Variants in CABP5 observed in about 807,000 individuals in gnomAD.
CABP5 encodes calcium binding protein 5, also known as calcium-binding protein 5.
CABP5 carries 17 observed loss-of-function variants against 21.9 expected under a neutral mutation model. The ratio of observed to expected loss-of-function variants is 0.78; its 90% CI spans 0.53 to 1.17. The LOEUF (loss-of-function observed/expected upper bound fraction) is 1.17. CABP5 is among the 50% of genes most tolerant of loss of function. The probability of loss-of-function intolerance (pLI) is 0.00; values close to 1 mark genes in which losing one functional copy is unlikely to be tolerated. For missense variants in CABP5, 229 were observed against 228.9 expected, an observed-to-expected ratio of 1.00 and a Z score of 0.00; for synonymous variants, 85 against 79.4, an observed-to-expected ratio of 1.07 and a Z score of -0.37.
chr19:48,031,261 C>T (rs1004733075), intron 5 of CABP5, among the ~76,000 whole-genome samples: 13 of 152,018 alleles, frequency 8.6e-5, no homozygotes, highest in African/African-American at 2.4e-4. Flanking sequence ...TATTGTTGGC[C>T]GGGCGCGGTG....
intron 5 of CABP5, among the ~76,000 whole-genome samples, chr19:48,030,882 C>G (rs1214458732): frequency 6.6e-6 from 1 of 150,864 alleles, no homozygotes; most frequent in Non-Finnish European, 1.5e-5. Context: ...AATCCCAGAA[C>G]TTTGGGAGGC....
chr19:48,036,709 A>G (rs1338317308), intron 4 of CABP5, among the ~76,000 whole-genome samples: 2 of 151,808 alleles, frequency 1.3e-5, no homozygotes, highest in African/African-American at 4.9e-5. Context: ...GTGAACAGCC[A>G]TCTCTCTAAA....
At chr19:48,038,238 T>TG (rs955200384) in intron 4 of CABP5, among the ~76,000 whole-genome samples, 2 of 152,098 alleles carry the variant, frequency 1.3e-5, no homozygotes, top group Non-Finnish European at 2.9e-5. Context: ...TATAAGAAGC[T>TG]GGGGGAGGCA....
intron 4 of CABP5, among the ~76,000 whole-genome samples, chr19:48,038,840 C>G (rs539660065): frequency 2.6e-5 from 4 of 151,902 alleles, no homozygotes; most frequent in Admixed American, 6.6e-5. Context: ...AAAAAAAAGT[C>G]CTAACATTTA....
intron 4 of CABP5, among the ~76,000 whole-genome samples, chr19:48,035,341 T>C (rs1026508859): frequency 3.9e-5 from 6 of 152,266 alleles, no homozygotes; most frequent in African/African-American, 1.2e-4. Context: ...CTCATGCCTG[T>C]AATCCCAGCA....
rs1391080729 is a variant in CABP5, at chr19:48,040,659, A to AAT, written c.183_184insAT (p.Tyr62IlefsTer9). 1.2e-6 allele frequency: 2 copies of AAT among 1,613,860 alleles called. No individual in the cohort carries two copies. Among genetic ancestry groups the AAT allele is most frequent in the Non-Finnish European group, 1.7e-6 (2 of 1,179,954 alleles). ...ATCAGTTCCATCTCCGTGGGCATGT[A>AAT]ACCCATCGTCCTCATGAGATTCCCC... On this transcript the variant is annotated frameshift_variant, in exon 3 of 6. Coordinates refer to ENST00000293255, the MANE Select transcript of CABP5 (RefSeq NM_019855.5). LOFTEE classifies it high-confidence loss of function.
rs1277724805 is a variant in CABP5, at chr19:48,034,274, T to A, written c.437A>T (p.Glu146Val). 5.6e-6 allele frequency: 9 copies of A among 1,607,676 alleles called. No individual in the cohort carries two copies. The Middle Eastern group carries it at 8.3e-4, about 148-fold the overall frequency. Residue 146 changes from glutamate (E) to valine (V), a missense_variant, in exon 5 of 6, where the codon GAG (glutamate) becomes GTG (valine). By Grantham distance (121) the Glu-to-Val change is moderately radical. Coordinates refer to ENST00000293255, the MANE Select transcript of CABP5 (RefSeq NM_019855.5). Reference sequence around the variant, plus strand: ...AGCCTCCCGGACAACCTCAGAGATCTCCCGGGGGGTGAGCCGCTCCCCCAG... The same window carrying A: ...AGCCTCCCGGACAACCTCAGAGATCACCCGGGGGGTGAGCCGCTCCCCCAG... ...RLLGERLTPR[E>V]ISEVVREADV...
At chr19:48,041,020 C>A (rs549838452) in intron 2 of CABP5, among the ~76,000 whole-genome samples, 1 of 151,828 alleles carries the variant, frequency 6.6e-6, no homozygotes, top group East Asian at 1.9e-4. Flanking sequence ...CTACTAAATA[C>A]AAAAAAATTA....
intron 4 of CABP5, among the ~76,000 whole-genome samples, chr19:48,038,077 C>A (rs553301851): frequency 5.9e-5 from 9 of 152,136 alleles, no homozygotes; most frequent in Non-Finnish European, 1.0e-4. Flanking sequence ...CCATGTCTGG[C>A]TAAATTTTTT....
intron 5 of CABP5, 34 bp downstream of exon 5, chr19:48,034,181 G>A: frequency 6.7e-7 from 1 of 1,487,956 alleles, no homozygotes; most frequent in Non-Finnish European, 9.0e-7. Context: ...TGCGGTGGCT[G>A]CCCCCGCTCC....
At chr19:48,043,027 C>T (rs561763129) in intron 1 of CABP5, among the ~76,000 whole-genome samples, 11 of 143,202 alleles carry the variant, frequency 7.7e-5, no homozygotes, top group East Asian at 2.1e-4. Context: ...TTTTTTTTAA[C>T]GAGACAAAGT....
intron 5 of CABP5, among the ~76,000 whole-genome samples, chr19:48,032,146 GA>G (rs2122360242): frequency 6.6e-6 from 1 of 152,144 alleles, no homozygotes; most frequent in Non-Finnish European, 1.5e-5. Flanking sequence ...AGGGATGGAT[GA>G]GACTGAAAGA....
At chr19:48,030,953 C>A (rs913487115) in intron 5 of CABP5, among the ~76,000 whole-genome samples, 1 of 151,822 alleles carries the variant, frequency 6.6e-6, no homozygotes, top group African/African-American at 2.4e-5. Context: ...CATAGCGACA[C>A]CCCCAACTCT....
At chr19:48,035,695 GC>G (rs1297246520) in intron 4 of CABP5, among the ~76,000 whole-genome samples, 18 of 152,276 alleles carry the variant, frequency 1.2e-4, no homozygotes, top group Admixed American at 5.9e-4. Flanking sequence ...GTTAACAAGT[GC>G]CGTAAGGCAG....
chr19:48,041,418 C>T lies in CABP5; in HGVS notation c.94+155G>A, dbSNP rs569750067. On this transcript the variant is annotated intron_variant, in intron 2 of 5. Coordinates refer to ENST00000293255, the MANE Select transcript of CABP5 (RefSeq NM_019855.5). ...ACTTTGGGAAGTCCTTCAACTGCCA[C>T]GAGAAAGAGTTCTACAAAATTACAG... 4.1e-4 allele frequency: 309 copies of T among 752,226 alleles called. 2 individuals carry two copies. The highest frequency in any genetic ancestry group is 1.1e-3 in the Admixed American group (41 of 35,888). 46.6% of individuals were successfully genotyped at this position (752,226 alleles called of 1,614,324 possible). A position where few individuals can be genotyped will look rare whatever the true frequency, so the allele number is the denominator to read the frequency against.
intron 5 of CABP5, 29 bp downstream of exon 5, chr19:48,034,186 C>A: frequency 6.6e-7 from 1 of 1,504,298 alleles, no homozygotes; most frequent in South Asian, 1.3e-5. Flanking sequence ...TGGCTGCCCC[C>A]GCTCCCCACC....
chr19:48,038,333 T>G (rs1967436876), intron 4 of CABP5, among the ~76,000 whole-genome samples: 1 of 152,218 alleles, frequency 6.6e-6, no homozygotes, highest in African/African-American at 2.4e-5. Context: ...AACACTCTAC[T>G]ACTCTTTATT....
chr19:48,032,872 C>T (rs961204661), intron 5 of CABP5, among the ~76,000 whole-genome samples: 4 of 152,110 alleles, frequency 2.6e-5, no homozygotes, highest in Non-Finnish European at 5.9e-5. Context: ...CTCAGGTGAT[C>T]CGCCAACCTT....
chr19:48,037,257 A>T (rs1967419981), intron 4 of CABP5, among the ~76,000 whole-genome samples: 1 of 34,742 alleles, frequency 2.9e-5, no homozygotes, highest in Non-Finnish European at 7.5e-5. Context: ...AATACTATTC[A>T]GCTTTTTTTT....
Sources: allele counts gnomAD v4.1 joint callset (sites outside exome capture counted in the v4.1 genomes callset), GRCh38; gene constraint gnomAD v4.1.1; transcripts MANE v1.5; gene names NCBI Gene and HGNC (gene_info 2026-07-23, HGNC 2026-07-21).